Variants in FGFR2 observed in about 807,000 individuals in gnomAD.
FGFR2 encodes the protein fibroblast growth factor receptor 2.
Under a neutral mutation model 95.9 loss-of-function variants are expected in FGFR2, and 19 were observed. The observed-to-expected ratio is 0.20, with a 90% CI of 0.14 to 0.29. The LOEUF (loss-of-function observed/expected upper bound fraction) is 0.29. FGFR2 is among the 10% of genes least tolerant of loss of function. The pLI is 1.00. For missense variants in FGFR2, 707 were observed against 1,056.9 expected, an observed-to-expected ratio of 0.67 and a Z score of 4.59; for synonymous variants, 392 against 393.3, an observed-to-expected ratio of 1.00 and a Z score of 0.04.
rs1199653639 is a variant in FGFR2 at position 121,517,386 on chromosome 10, T to C, written c.1017A>G (p.Glu339=). ...IRNVTFEDAG[E]YTCLAGNSIG... is the part of the protein sequence containing the mutation. ...TAGAATTACCCGCCAAGCACGTATA[T>C]TCCCCAGCGTCCTCAAAAGTTACAT... The change falls in exon 8 of 18, where the codon GAA becomes GAG. Residue 339 remains glutamate (E), a synonymous_variant. Coordinates refer to ENST00000358487, the MANE Select transcript of FGFR2 (RefSeq NM_000141.5). The surrounding 1 kb of genome is among the most constrained non-coding windows in gnomAD (Gnocchi z 4.7). 6.2e-7 allele frequency: 1 copy of C among 1,614,162 alleles called. No individual in the cohort carries two copies. The highest frequency in any genetic ancestry group is 1.1e-5 in the South Asian group (1 of 91,082).
chr10:121,555,923 C>A (rs565180818), intron 4 of FGFR2, among the ~76,000 whole-genome samples: 1 of 152,170 alleles, frequency 6.6e-6, no homozygotes, highest in Admixed American at 6.5e-5. Context: ...CTTTATTATT[C>A]CCACCCTAGA....
rs760193327 is a variant in FGFR2 at position 121,485,696 on chromosome 10, C to T, written c.2058-164G>A. Among the ~76,000 whole-genome samples the T allele has an allele frequency of 6.6e-6, 1 of 152,158 alleles. No individual in the cohort carries two copies. Among genetic ancestry groups the T allele is most frequent in the African/African-American group, 2.4e-5 (1 of 41,444 alleles). On this transcript the variant is annotated intron_variant, in intron 15 of 17. Transcript: ENST00000358487. This position sits in a 1 kb window ranked among gnomAD's most constrained non-coding sequence, Gnocchi z 4.2. ...CTCTTTCCTGCCCTGCAAGAGCATC[C>T]CCGAATGATGATGACACGGGGATGT...
chr10:121,565,748 A>C (rs761905768), intron 2 of FGFR2, 44 bp from the exon 3 acceptor site: 14 of 1,612,758 alleles, frequency 8.7e-6, no homozygotes, highest in Non-Finnish European at 1.1e-5. Flanking sequence ...GATGGGAAGG[A>C]GGGAGAGGAG....
chr10:121,485,420 T>C lies in FGFR2; in HGVS notation c.2170A>G (p.Lys724Glu), dbSNP rs1845283218. ...AGTTCGTTGGTGCAGTTGGCTGGCTTATCCATTCTGTGTCCTTCCTTCAGC... is the reference window on the plus strand; with the variant it reads ...AGTTCGTTGGTGCAGTTGGCTGGCTCATCCATTCTGTGTCCTTCCTTCAGC... ...KLLKEGHRMD[K>E]PANCTNELYM... The change falls in exon 16 of 18, where the codon AAG (lysine) becomes GAG (glutamate). Residue 724 changes from lysine to glutamate, a missense_variant. Physicochemically the swap from Lys to Glu is moderately conservative, Grantham distance 56. Transcript: ENST00000358487. The surrounding 1 kb of genome is among the most constrained non-coding windows in gnomAD (Gnocchi z 4.2). 2 of 1,614,066 alleles carry C rather than the reference T, an allele frequency of 1.2e-6. No individual in the cohort carries two copies. Among genetic ancestry groups the C allele is most frequent in the East Asian group, 2.2e-5 (1 of 44,862 alleles).
intron 4 of FGFR2, 30 bp downstream of exon 4, chr10:121,564,472 G>T (rs777333171): frequency 1.3e-6 from 2 of 1,597,286 alleles, no homozygotes; most frequent in African/African-American, 1.3e-5. Context: ...CTCCTCTCTC[G>T]GGGACCATCG....
rs1056477822 is a variant in FGFR2, at chr10:121,531,406, G to A, written c.748+7186C>T. 3 of 152,190 alleles carry A rather than the reference G, an allele frequency of 2.0e-5. No homozygotes were observed. The highest frequency in any genetic ancestry group is 4.8e-5 in the African/African-American group (2 of 41,442). 9.4% of individuals were successfully genotyped at this position (152,190 alleles called of 1,614,324 possible). A position where few individuals can be genotyped will look rare whatever the true frequency, so the allele number is the denominator to read the frequency against. On this transcript the variant is annotated intron_variant, in intron 6 of 17. Transcript: ENST00000358487. The surrounding 1 kb of genome is among the most constrained non-coding windows in gnomAD (Gnocchi z 4.5). ...TGTTGTGAAACAGGAATGAAAAGCTGCTTTGTAGCAATCAAAAGCTCATTA... is the reference window on the plus strand; with the variant it reads ...TGTTGTGAAACAGGAATGAAAAGCTACTTTGTAGCAATCAAAAGCTCATTA...
chr10:121,564,557 A>G lies in FGFR2; in HGVS notation c.399T>C (p.Asp133=), dbSNP rs373155033. ...CTTCCGCACCATCGGTGTCATCCTCATCATCTCCGGATGAGATGGCATCTG... is the reference window on the plus strand; with the variant it reads ...CTTCCGCACCATCGGTGTCATCCTCGTCATCTCCGGATGAGATGGCATCTG... The part of the protein sequence containing the change: ...NVTDAISSGD[D]EDDTDGAEDF... Residue 133 remains aspartate, a synonymous_variant, in exon 4 of 18, where the codon GAT becomes GAC. Coordinates refer to ENST00000358487, the MANE Select transcript of FGFR2 (RefSeq NM_000141.5). 4.4e-5 allele frequency: 71 copies of G among 1,613,844 alleles called. No homozygotes were observed. In the African/African-American group the frequency reaches 7.3e-4, roughly 17 times the overall value.
At chr10:121,577,202 G>GAGAGAGAGAGAC (rs1290026073) in intron 2 of FGFR2, among the ~76,000 whole-genome samples, 1 of 120,980 alleles carries the variant, frequency 8.3e-6, no homozygotes, top group South Asian at 2.9e-4. Context: ...GAGAGAGAGA[G>GAGAGAGAGAGAC]AGAGACACCA....
In FGFR2 at chr10:121,507,447, G is replaced by A. The variant is rs936531590; in HGVS notation, c.1288-3506C>T. Among the ~76,000 whole-genome samples, 6 of 152,166 alleles carry A rather than the reference G, an allele frequency of 3.9e-5. No individual in the cohort carries two copies. The East Asian group carries it at 5.8e-4, about 15-fold the overall frequency. On this transcript the variant is annotated intron_variant, in intron 9 of 17. Transcript: ENST00000358487. ...TACTAAAGATAGAAAAGTTAGCCGG[G>A]CATGGTGGTGAGTGCCTGTAACCCC...
rs558708974 is a variant in FGFR2, at chr10:121,517,615, G to A, written c.940-152C>T. 27 of 836,562 alleles carry A rather than the reference G, an allele frequency of 3.2e-5. No individual in the cohort carries two copies. The South Asian group carries it at 3.5e-4, about 11-fold the overall frequency. The allele number at this position is 836,562 out of a possible 1,614,324, so 51.8% of individuals were successfully genotyped here. On this transcript the variant is annotated intron_variant, in intron 7 of 17. Coordinates refer to ENST00000358487, the MANE Select transcript of FGFR2 (RefSeq NM_000141.5). This position sits in a 1 kb window ranked among gnomAD's most constrained non-coding sequence, Gnocchi z 4.7. ...CAGCCCATCCACAAAGCCCACAACC[G>A]AGAGACACGGAGCAACACTGACCAG... is the stretch of plus-strand genomic sequence containing the variant.
intron 4 of FGFR2, among the ~76,000 whole-genome samples, chr10:121,554,451 G>A (rs984939816): frequency 5.3e-5 from 8 of 150,096 alleles, no homozygotes; most frequent in Non-Finnish European, 5.9e-5. Context: ...CCATTCTCCT[G>A]CCTCAGCCTC....
Position 121,524,526 on chromosome 10 carries a change from C to T in FGFR2, c.749-4357G>A, listed in dbSNP as rs559000026. On this transcript the variant is annotated intron_variant, in intron 6 of 17. Transcript: ENST00000358487. ...AACAAGTCGGAGGAGGAGGCCTGGA[C>T]GTCTTGGAAAAGGGCCCAGGATGCC... is the stretch of plus-strand genomic sequence containing the variant. Among the ~76,000 whole-genome samples, 18 of 152,308 alleles carry T rather than the reference C, an allele frequency of 1.2e-4. No homozygotes were observed. The East Asian group carries it at 2.5e-3, about 21-fold the overall frequency.
At chr10:121,519,762 T>C (rs1443099842) in intron 7 of FGFR2, among the ~76,000 whole-genome samples, 2 of 152,208 alleles carry the variant, frequency 1.3e-5, no homozygotes, top group African/African-American at 4.8e-5. Context: ...TTAGTAGTTC[T>C]TCCCCAAGTT....
At chr10:121,574,743 A>G (rs1270017394) in intron 2 of FGFR2, among the ~76,000 whole-genome samples, 1 of 152,136 alleles carries the variant, frequency 6.6e-6, no homozygotes, top group Non-Finnish European at 1.5e-5. Flanking sequence ...CAGAGACCTT[A>G]TAAGGCATAG....
intron 6 of FGFR2, among the ~76,000 whole-genome samples, chr10:121,522,868 G>A (rs1035499399): frequency 6.6e-6 from 1 of 152,184 alleles, no homozygotes; most frequent in Non-Finnish European, 1.5e-5. Flanking sequence ...TGAGGGAAAT[G>A]AGGAGAACTC....
chr10:121,576,116 G>A (rs144380958), intron 2 of FGFR2, among the ~76,000 whole-genome samples: 5,289 of 152,180 alleles, frequency 0.035, 241 homozygotes, highest in African/African-American at 0.1. Flanking sequence ...GAACCTGGGC[G>A]GTGGAGGTTG....
intron 12 of FGFR2, 39 bp from the exon 13 acceptor site, chr10:121,496,761 C>A (rs772094984): frequency 6.3e-7 from 1 of 1,587,370 alleles, no homozygotes; most frequent in South Asian, 1.1e-5. Flanking sequence ...AGAGAGAATC[C>A]AGGGTCTCCC....
rs1225340688 is a variant in FGFR2 at position 121,487,339 on chromosome 10, AAG to A, written c.2057+13_2057+14del. 8.1e-6 allele frequency: 13 copies of A among 1,608,506 alleles called. No homozygotes were observed. The highest frequency in any genetic ancestry group is 1.6e-4 in the Middle Eastern group (1 of 6,070). On this transcript the variant is annotated intron_variant, in intron 15 of 17. Transcript: ENST00000358487. Reference sequence around the variant, plus strand: ...TCAAGCCCAGGAAAAAGCCAGAGAAAAGAGAGTTACTCACACATCACTCTGAT... The same window carrying A: ...TCAAGCCCAGGAAAAAGCCAGAGAAAAGAGTTACTCACACATCACTCTGAT...
chr10:121,553,593 C>G (rs1231443260), intron 4 of FGFR2, among the ~76,000 whole-genome samples: 2 of 152,314 alleles, frequency 1.3e-5, no homozygotes, highest in East Asian at 3.9e-4. Context: ...AAATGAAAAG[C>G]ATACCTCATG....
Sources: allele counts gnomAD v4.1 joint callset (sites outside exome capture counted in the v4.1 genomes callset), GRCh38; gene constraint gnomAD v4.1.1; non-coding constraint Gnocchi (gnomAD v3.1); transcripts MANE v1.5; gene names NCBI Gene and HGNC (gene_info 2026-07-23, HGNC 2026-07-21).